The following AP2A1 variants were observed in gnomAD, a reference collection of about 807,000 sequenced individuals.
AP2A1 encodes the protein AP-2 complex subunit alpha-1.
A neutral mutation model predicts 107.3 loss-of-function variants in AP2A1; 21 were observed. That is an observed-to-expected ratio of 0.20 (90% CI 0.14 to 0.28). AP2A1 has a LOEUF of 0.28. Ranked by LOEUF, AP2A1 falls within the 10% of genes least tolerant of loss-of-function variation. AP2A1 has a pLI of 1.00. For missense variants in AP2A1, 873 were observed against 1,307.7 expected, an observed-to-expected ratio of 0.67 and a Z score of 5.13; for synonymous variants, 602 against 564.8, an observed-to-expected ratio of 1.07 and a Z score of -0.93.
At chr19:49,803,413 C>T (rs761896649) in intron 18 of AP2A1, 37 bp downstream of exon 18, 1 of 1,580,408 alleles carries the variant, frequency 6.3e-7, no homozygotes, top group African/African-American at 1.3e-5. Flanking sequence ...CCTGCCTCTC[C>T]ACGTCGGCCT....
intron 4 of AP2A1, among the ~76,000 whole-genome samples, chr19:49,783,171 CAA>C (rs2084698248): frequency 6.6e-6 from 1 of 152,108 alleles, no homozygotes; most frequent in South Asian, 2.1e-4. Flanking sequence ...GAGCAGGAGA[CAA>C]ATGGTGATGG....
chr19:49,767,255 T>A, intron 1 of AP2A1, 55 bp downstream of exon 1: 1 of 1,588,002 alleles, frequency 6.3e-7, no homozygotes, highest in South Asian at 1.1e-5. Context: ...AGCGTGAAAT[T>A]GAGGGGTTTG....
At position 49,806,220 on chromosome 19, in the gene AP2A1, T is replaced by C. The variant is rs1391750181; in HGVS notation, c.2757T>C (p.Cys919=). Residue 919 remains cysteine (C), a synonymous_variant, in exon 22 of 23, where the codon TGT becomes TGC. Transcript: ENST00000354293. ...AGACTAAAGCCCTGCAGGTGGGCTG[T>C]CTGCTTCGGCTGGAGCCCAATGCCC... is the stretch of plus-strand genomic sequence containing the variant. ...IIQTKALQVG[C]LLRLEPNAQA... The C allele has an allele frequency of 6.8e-6, 11 of 1,607,510 alleles. No individual in the cohort carries two copies. The highest frequency in any genetic ancestry group is 8.5e-6 in the Non-Finnish European group (10 of 1,177,430).
chr19:49,802,794 C>G, intron 15 of AP2A1, 155 bp from the exon 16 acceptor site: 3 of 1,048,000 alleles, frequency 2.9e-6, no homozygotes, highest in South Asian at 3.0e-5. Flanking sequence ...GAGGCCACTG[C>G]TGGATGGATG....
chr19:49,800,285 C>A, intron 11 of AP2A1, 135 bp downstream of exon 11: 1 of 1,123,438 alleles, frequency 8.9e-7, no homozygotes, highest in Non-Finnish European at 1.2e-6. Flanking sequence ...AAAATGGGGC[C>A]TCTGCCTCTC....
At position 49,771,303 on chromosome 19, in the gene AP2A1, T is replaced by TAAA. The variant is rs902347385; in HGVS notation, c.67+4124_67+4126dup. ...GGCCACATAGTGAAACCTCATCTCTTAAAAAAAAAAAAAAAAAAAAAAAGA... is the reference window on the plus strand; with the variant it reads ...GGCCACATAGTGAAACCTCATCTCTTAAAAAAAAAAAAAAAAAAAAAAAAAAGA... On this transcript the variant is annotated intron_variant, in intron 1 of 22. Coordinates refer to ENST00000354293, the MANE Select transcript of AP2A1 (RefSeq NM_130787.3). Among the ~76,000 whole-genome samples the TAAA allele has an allele frequency of 4.9e-3, 484 of 98,000 alleles. 2 individuals carry two copies. The highest frequency in any genetic ancestry group is 7.0e-3 in the Non-Finnish European group (343 of 49,230). 64.3% of individuals were successfully genotyped at this position (98,000 alleles called of 152,430 possible).
rs765082490 is a variant in AP2A1, at chr19:49,806,692, G to C, written c.2802G>C (p.Leu934=). The change falls in exon 23 of 23, where the codon CTG becomes CTC. Residue 934 remains leucine (L), a synonymous_variant. Transcript: ENST00000354293. The part of the protein sequence containing the change: ...EPNAQAQMYR[L]TLRTSKEPVS... ...ATGCCCCCACCCAGATGTACCGGCT[G>C]ACCCTGCGCACCAGCAAGGAGCCCG... 1.6e-5 allele frequency: 25 copies of C among 1,612,894 alleles called. No homozygotes were observed.
At position 49,785,197 on chromosome 19, in the gene AP2A1, T is replaced by C. The variant is rs941343740; in HGVS notation, c.473+2473T>C. Among the ~76,000 whole-genome samples, 2 of 152,076 alleles carry C rather than the reference T, an allele frequency of 1.3e-5. No homozygotes were observed. The highest frequency in any genetic ancestry group is 2.9e-5 in the Non-Finnish European group (2 of 68,006). The stretch of plus-strand genomic sequence containing the variant: ...AAAGAGGCTGATCCCCAGATTCAAA[T>C]AGGCCAGGAAATCATAAGCAAAAGT... On this transcript the variant is annotated intron_variant, in intron 4 of 22. Coordinates refer to ENST00000354293, the MANE Select transcript of AP2A1 (RefSeq NM_130787.3). This position sits in a 1 kb window ranked among gnomAD's most constrained non-coding sequence, Gnocchi z 4.1.
In AP2A1 at chr19:49,782,511, C is replaced by T; in HGVS notation, c.280-20C>T. The T allele has an allele frequency of 6.2e-7, 1 of 1,608,510 alleles. No homozygotes were observed. Among genetic ancestry groups the T allele is most frequent in the South Asian group, 1.1e-5 (1 of 90,248 alleles). ...CTCAGTCACAAGGCTCCTAGCCATC[C>T]ACGACCTCCCTCCCCACAGGGTTAC... is the stretch of plus-strand genomic sequence containing the variant. On this transcript the variant is annotated intron_variant, in intron 3 of 22. Coordinates refer to ENST00000354293, the MANE Select transcript of AP2A1 (RefSeq NM_130787.3).
rs374556877 is a variant in AP2A1, at chr19:49,787,931, C to T, written c.474-4004C>T. Among the ~76,000 whole-genome samples the T allele has an allele frequency of 1.1e-4, 16 of 152,240 alleles. 2 individuals carry two copies. Among genetic ancestry groups the T allele is most frequent in the Admixed American group, 9.8e-4 (15 of 15,286 alleles). On this transcript the variant is annotated intron_variant, in intron 4 of 22. Transcript: ENST00000354293. ...CACTCAACAAGATGTTTTTCAGGTT[C>T]ATCCACATTGTGGTGCATATCCGTG... is the stretch of plus-strand genomic sequence containing the variant.
In AP2A1 at chr19:49,802,097, C is replaced by G. The variant is rs369688541; in HGVS notation, c.2070C>G (p.Ala690=). Residue 690 remains alanine, a synonymous_variant, in exon 15 of 23, where the codon GCC becomes GCG. Coordinates refer to ENST00000354293, the MANE Select transcript of AP2A1 (RefSeq NM_130787.3). Reference sequence around the variant, plus strand: ...TGGTGGACGTCTTCGATGGCCCGGCCGCCCAGCCCAGCCTGGGGCCCACCC... The same window carrying G: ...TGGTGGACGTCTTCGATGGCCCGGCGGCCCAGCCCAGCCTGGGGCCCACCC... ...NLLVDVFDGP[A]AQPSLGPTPE... 1.3e-6 allele frequency: 2 copies of G among 1,590,908 alleles called. No homozygotes were observed. Among genetic ancestry groups the G allele is most frequent in the Non-Finnish European group, 1.7e-6 (2 of 1,174,430 alleles).
chr19:49,801,357 C>G (rs1476969514), intron 12 of AP2A1, 33 bp from the exon 13 acceptor site: 4 of 1,590,180 alleles, frequency 2.5e-6, no homozygotes, highest in Non-Finnish European at 3.4e-6. Context: ...GGCAGTGGAA[C>G]CTGGCCCCGC....
chr19:49,787,412 A>G (rs1045329328), intron 4 of AP2A1, among the ~76,000 whole-genome samples: 1 of 144,368 alleles, frequency 6.9e-6, no homozygotes, highest in African/African-American at 2.6e-5. Flanking sequence ...CAGTGGTGCA[A>G]TCTTGGCTCA....
intron 4 of AP2A1, among the ~76,000 whole-genome samples, chr19:49,783,359 C>T (rs774310695): frequency 1.8e-4 from 27 of 152,034 alleles, no homozygotes; most frequent in Admixed American, 1.2e-3. Flanking sequence ...GGCATGGTGG[C>T]GTGCACCTAT....
intron 6 of AP2A1, among the ~76,000 whole-genome samples, chr19:49,794,176 C>T (rs960953434): frequency 8.0e-5 from 12 of 149,934 alleles, no homozygotes; most frequent in South Asian, 2.1e-4. Context: ...CTGGGATTAC[C>T]GGCGTGAGCC....
At chr19:49,789,987 C>T (rs756402289) in intron 4 of AP2A1, among the ~76,000 whole-genome samples, 4 of 152,150 alleles carry the variant, frequency 2.6e-5, no homozygotes, top group Admixed American at 6.5e-5. Context: ...ATGGGCTGCC[C>T]GCTGGCTGCC....
chr19:49,807,027 C>G lies in AP2A1; in HGVS notation c.*269C>G. On this transcript the variant is annotated 3_prime_UTR_variant, in exon 23 of 23. Coordinates refer to ENST00000354293, the MANE Select transcript of AP2A1 (RefSeq NM_130787.3). ...AGGGAAGTGGATGTCTCCTCCCCTC[C>G]CACCCCACCCTGTTGTAGCCCCTCC... The G allele has an allele frequency of 6.7e-7, 1 of 1,484,886 alleles. No individual in the cohort carries two copies. Among genetic ancestry groups the G allele is most frequent in the Non-Finnish European group, 9.0e-7 (1 of 1,106,382 alleles). The allele number at this position is 1,484,886 out of a possible 1,614,324, so 92.0% of individuals were successfully genotyped here. A position where few individuals can be genotyped will look rare whatever the true frequency, so the allele number is the denominator to read the frequency against.
chr19:49,799,640 C>T lies in AP2A1; in HGVS notation c.1146C>T (p.Asp382=), dbSNP rs1003423. The T allele has an allele frequency of 1.2e-3, 1,966 of 1,610,446 alleles. 20 individuals are homozygous for T. In the East Asian group the frequency reaches 0.023, roughly 19 times the overall value. The change falls in exon 10 of 23, where the codon GAC becomes GAT. Residue 382 remains aspartate (D), a synonymous_variant. Transcript: ENST00000354293. ...CTCTCCGCCCTCAGACGGAGCGGGA[C>T]GTCAGCGTGCGGCAGCGGGCGGCTG... ...TVINALKTER[D]VSVRQRAADL... is the part of the protein sequence containing the mutation.
chr19:49,767,017 C>T lies in AP2A1; in HGVS notation c.-117C>T. The T allele has an allele frequency of 6.4e-6, 7 of 1,087,468 alleles. No individual in the cohort carries two copies. Among genetic ancestry groups the T allele is most frequent in the South Asian group, 2.2e-5 (1 of 45,926 alleles). The allele number at this position is 1,087,468 out of a possible 1,614,324, so 67.4% of individuals were successfully genotyped here. Reference sequence around the variant, plus strand: ...CGCCCGCCCGCCAGCCAGCCCTCCCCGCGGCCGGCTCGGCTCCTTGGCGCT... The same window carrying T: ...CGCCCGCCCGCCAGCCAGCCCTCCCTGCGGCCGGCTCGGCTCCTTGGCGCT... On this transcript the variant is annotated 5_prime_UTR_variant, in exon 1 of 23. Transcript: ENST00000354293.
Sources: gnomAD v4.1 joint callset for allele counts (sites outside exome capture counted in the v4.1 genomes callset) on GRCh38, gnomAD v4.1.1 for gene constraint, Gnocchi (gnomAD v3.1) non-coding constraint, MANE v1.5 for transcripts, NCBI Gene and HGNC (gene_info 2026-07-23, HGNC 2026-07-21) for gene names.